The following ZNF407 variants were observed in gnomAD, a reference collection of about 807,000 sequenced individuals.
The protein encoded by ZNF407 is zinc finger protein 407.
In ZNF407, 17 loss-of-function variants were observed where a neutral mutation model predicts 131.2. The ratio of observed to expected loss-of-function variants is 0.13; its 90% CI spans 0.09 to 0.19. ZNF407 has a LOEUF of 0.19. Ranked by LOEUF, ZNF407 falls within the 10% of genes least tolerant of loss-of-function variation. ZNF407 has a pLI of 1.00. For synonymous variants in ZNF407, 1,156 were observed against 1,062.0 expected (o/e 1.09, Z -1.72); for missense variants, 2,681 against 2,830.6 (o/e 0.95, Z 1.20).
At chr18:74,720,471 T>G (rs1474119436) in intron 3 of ZNF407, among the ~76,000 whole-genome samples, 1 of 152,138 alleles carries the variant, frequency 6.6e-6, no homozygotes, top group African/African-American at 2.4e-5. Context: ...ACTCTGTTGT[T>G]TTTTTTCTTT....
At chr18:74,837,803 A>G (rs1970578664) in intron 4 of ZNF407, among the ~76,000 whole-genome samples, 1 of 151,932 alleles carries the variant, frequency 6.6e-6, no homozygotes, top group Non-Finnish European at 1.5e-5. Context: ...ACAGGTATCC[A>G]CCATCACACC....
intron 4 of ZNF407, among the ~76,000 whole-genome samples, chr18:74,845,110 A>G (rs1052614879): frequency 2.6e-5 from 4 of 152,242 alleles, no homozygotes; most frequent in Non-Finnish European, 5.9e-5. Flanking sequence ...CAGAAGGGCA[A>G]AAGAGATCCC....
chr18:74,632,180 C>G lies in ZNF407; in HGVS notation c.1161C>G (p.Thr387=). 1 of 1,613,938 alleles carries G rather than the reference C, an allele frequency of 6.2e-7. No homozygotes were observed. Among genetic ancestry groups the G allele is most frequent in the Non-Finnish European group, 8.5e-7 (1 of 1,179,878 alleles). ...NQSRKLDTLV[T]SEGLLEKLES... is the part of the protein sequence containing the mutation. ...GTAGAAAGCTAGACACCTTAGTAAC[C>G]TCAGAGGGTCTCTTAGAGAAATTGG... The change falls in exon 2 of 9, where the codon ACC becomes ACG. Residue 387 remains threonine (T), a synonymous_variant. Transcript: ENST00000299687.
At chr18:74,889,572 C>T (rs1465488680) in intron 6 of ZNF407, among the ~76,000 whole-genome samples, 4 of 152,134 alleles carry the variant, frequency 2.6e-5, no homozygotes, top group Non-Finnish European at 4.4e-5. Context: ...GTTTTAACCT[C>T]TCTAAGATTT....
At chr18:74,656,949 T>C (rs1985485398) in intron 3 of ZNF407, among the ~76,000 whole-genome samples, 1 of 152,236 alleles carries the variant, frequency 6.6e-6, no homozygotes, top group African/African-American at 2.4e-5. Context: ...ATTACTGTGC[T>C]TAATACTGTG....
intron 3 of ZNF407, among the ~76,000 whole-genome samples, chr18:74,714,952 G>T (rs1368841291): frequency 1.3e-5 from 2 of 152,032 alleles, no homozygotes; most frequent in Non-Finnish European, 2.9e-5. Flanking sequence ...ACAGGGCGTC[G>T]CTCTGGATAG....
chr18:75,064,334 A>T lies in ZNF407; in HGVS notation c.6613A>T (p.Thr2205Ser). 1 of 1,594,538 alleles carries T rather than the reference A, an allele frequency of 6.3e-7. No individual in the cohort carries two copies. The highest frequency in any genetic ancestry group is 8.5e-7 in the Non-Finnish European group (1 of 1,171,372). Residue 2205 changes from threonine to serine, a missense_variant, in exon 9 of 9, where the codon ACG (threonine) becomes TCG (serine). By Grantham distance (58) the Thr-to-Ser change is moderately conservative. Around this residue, in one of 6 missense-constraint regions of ZNF407, gnomAD observed 620 missense variants for 583.1 expected, o/e 1.06. Coordinates refer to ENST00000299687, the MANE Select transcript of ZNF407 (RefSeq NM_017757.3). The part of the protein sequence containing the change: ...DSQELLQAGA[T>S]LGTEAGAPSR... Reference sequence around the variant, plus strand: ...GCAGGAACTCCTGCAGGCCGGGGCCACGCTAGGCACAGAGGCCGGGGCCCC... The same window carrying T: ...GCAGGAACTCCTGCAGGCCGGGGCCTCGCTAGGCACAGAGGCCGGGGCCCC...
intron 3 of ZNF407, among the ~76,000 whole-genome samples, chr18:74,732,514 A>G (rs1968316925): frequency 6.6e-6 from 1 of 152,208 alleles, no homozygotes; most frequent in South Asian, 2.1e-4. Flanking sequence ...GTCTCACCAG[A>G]AAAGTGAGTA....
chr18:74,777,431 G>A (rs180984205), intron 3 of ZNF407, among the ~76,000 whole-genome samples: 127 of 152,206 alleles, frequency 8.3e-4, no homozygotes, highest in Non-Finnish European at 1.6e-3. Flanking sequence ...TTCTAGCATG[G>A]ATCTTGGCCT....
At chr18:74,981,645 G>A (rs995947673) in intron 8 of ZNF407, among the ~76,000 whole-genome samples, 2 of 151,650 alleles carry the variant, frequency 1.3e-5, no homozygotes, top group East Asian at 1.9e-4. Flanking sequence ...GGGCACTGTC[G>A]CTCGGCCCTG....
chr18:74,831,224 G>T (rs1240188579), intron 4 of ZNF407, among the ~76,000 whole-genome samples: 2 of 152,180 alleles, frequency 1.3e-5, no homozygotes, highest in Admixed American at 6.5e-5. Flanking sequence ...TGAACAGCAT[G>T]GCAGTAAACA....
chr18:74,789,274 A>G (rs1041770486), intron 4 of ZNF407, among the ~76,000 whole-genome samples: 2 of 152,142 alleles, frequency 1.3e-5, no homozygotes, highest in Non-Finnish European at 2.9e-5. Flanking sequence ...CAGTTCCAGC[A>G]GAGAGCACAT....
At chr18:74,947,318 A>C (rs898404144) in intron 8 of ZNF407, among the ~76,000 whole-genome samples, 2 of 152,146 alleles carry the variant, frequency 1.3e-5, no homozygotes, top group Non-Finnish European at 2.9e-5. Context: ...GGAGAAATAA[A>C]AATATTATGA....
At chr18:74,905,085 CTT>C (rs1482286975) in intron 7 of ZNF407, among the ~76,000 whole-genome samples, 1 of 152,158 alleles carries the variant, frequency 6.6e-6, no homozygotes, top group Non-Finnish European at 1.5e-5. Context: ...ATACACAACT[CTT>C]TTGTCTTGTA....
chr18:74,953,710 G>A (rs116580870), intron 8 of ZNF407, among the ~76,000 whole-genome samples: 1,652 of 152,312 alleles, frequency 0.011, 32 homozygotes, highest in African/African-American at 0.037. Flanking sequence ...GAAATATAGA[G>A]GATTTGTTTC....
At chr18:74,729,360 A>G (rs955172857) in intron 3 of ZNF407, among the ~76,000 whole-genome samples, 1 of 152,160 alleles carries the variant, frequency 6.6e-6, no homozygotes, top group South Asian at 2.1e-4. Context: ...TCACTCTTGT[A>G]GTTAGCTTGA....
At chr18:74,993,569 G>A (rs972438358) in intron 8 of ZNF407, among the ~76,000 whole-genome samples, 1 of 152,186 alleles carries the variant, frequency 6.6e-6, no homozygotes, top group Non-Finnish European at 1.5e-5. Context: ...GTGAGTAGAT[G>A]TGTCAAAACT....
At chr18:74,920,071 A>T (rs946183288) in intron 7 of ZNF407, among the ~76,000 whole-genome samples, 1 of 152,164 alleles carries the variant, frequency 6.6e-6, no homozygotes, top group Non-Finnish European at 1.5e-5. Context: ...TTTAGAGCCC[A>T]CTTAGAAGCA....
intron 3 of ZNF407, among the ~76,000 whole-genome samples, chr18:74,702,993 A>G (rs1967535951): frequency 6.6e-6 from 1 of 152,240 alleles, no homozygotes; most frequent in African/African-American, 2.4e-5. Context: ...TTACTGCTTC[A>G]GACCCTGATG....
Sources: allele counts gnomAD v4.1 joint callset (sites outside exome capture counted in the v4.1 genomes callset), GRCh38; gene constraint gnomAD v4.1.1; regional missense constraint gnomAD v4.1.1; transcripts MANE v1.5; gene names NCBI Gene and HGNC (gene_info 2026-07-23, HGNC 2026-07-21).